The following FHIT variants were observed in gnomAD, a reference collection of about 807,000 sequenced individuals.
The protein encoded by FHIT is bis(5'-adenosyl)-triphosphatase.
In FHIT, 19 loss-of-function variants were observed where a neutral mutation model predicts 17.9. The ratio of observed to expected loss-of-function variants is 1.06; its 90% confidence interval spans 0.74 to 1.56. FHIT has a LOEUF of 1.56. Ranked by LOEUF, FHIT falls within the 40% of genes most tolerant of loss-of-function variation. FHIT has a pLI of 0.00. For synonymous variants in FHIT, 81 were observed against 69.7 expected, an observed-to-expected ratio of 1.16 and a Z score of -0.81; for missense variants, 248 against 189.2, an observed-to-expected ratio of 1.31 and a Z score of -1.82.
At chr3:60,500,708 G>A (rs2034488347) in intron 5 of FHIT, among the ~76,000 whole-genome samples, 2 of 147,318 alleles carry the variant, frequency 1.4e-5, no homozygotes, top group Non-Finnish European at 3.0e-5. Context: ...GGGAGGCAGA[G>A]GTTGCAGTGA....
chr3:60,506,754 G>A (rs1327769707), intron 5 of FHIT, among the ~76,000 whole-genome samples: 2 of 151,912 alleles, frequency 1.3e-5, no homozygotes, highest in African/African-American at 4.9e-5. Context: ...CTGCGTAAAT[G>A]GAATGAGAAG....
rs75007542 is a variant in FHIT, at chr3:60,029,080, T to C, written c.104-14928A>G. Among the ~76,000 whole-genome samples, 1,046 of 152,340 alleles carry C rather than the reference T, an allele frequency of 6.9e-3. 12 individuals are homozygous for C. Among genetic ancestry groups the C allele is most frequent in the African/African-American group, 0.023 (945 of 41,576 alleles). On this transcript the variant is annotated intron_variant, in intron 5 of 9. Transcript: ENST00000492590. ...ATAAAGCACTTCAATTCTTAGTGTT[T>C]CTAATGTTTTAAATTACAGTGTACT...
chr3:60,530,591 T>A (rs1037929427), intron 5 of FHIT, among the ~76,000 whole-genome samples: 1 of 152,154 alleles, frequency 6.6e-6, no homozygotes, highest in African/African-American at 2.4e-5. Flanking sequence ...CTAGTGCCCA[T>A]CACAGTTACT....
At chr3:60,653,622 T>C (rs2040048216) in intron 4 of FHIT, among the ~76,000 whole-genome samples, 1 of 151,352 alleles carries the variant, frequency 6.6e-6, no homozygotes, top group Admixed American at 6.6e-5. Context: ...AATAATTAAC[T>C]GTAAAGTGGT....
chr3:61,208,336 T>A (rs1244722587), intron 1 of FHIT, among the ~76,000 whole-genome samples: 1 of 152,086 alleles, frequency 6.6e-6, no homozygotes, highest in Non-Finnish European at 1.5e-5. Context: ...TAGGTCCGCT[T>A]GGTGCAGAGC....
At chr3:60,417,220 G>C (rs1290887347) in intron 5 of FHIT, among the ~76,000 whole-genome samples, 1 of 152,044 alleles carries the variant, frequency 6.6e-6, no homozygotes, top group Non-Finnish European at 1.5e-5. Context: ...TTAGCAAAAA[G>C]AATAATTTAT....
At chr3:60,006,649 G>C (rs552236947) in intron 7 of FHIT, among the ~76,000 whole-genome samples, 1 of 147,282 alleles carries the variant, frequency 6.8e-6, no homozygotes, top group Non-Finnish European at 1.5e-5. Context: ...TAGGGTTTCC[G>C]CATTCAAAAA....
chr3:61,152,311 A>G (rs1166792113), intron 2 of FHIT, among the ~76,000 whole-genome samples: 1 of 152,204 alleles, frequency 6.6e-6, no homozygotes, highest in Non-Finnish European at 1.5e-5. Flanking sequence ...ACTGGTTGCC[A>G]AAAAGTGGTA....
chr3:60,154,518 G>T (rs6776492), intron 5 of FHIT, among the ~76,000 whole-genome samples: 1 of 152,028 alleles, frequency 6.6e-6, no homozygotes, highest in Non-Finnish European at 1.5e-5. Context: ...AAGATGACAA[G>T]AGGTATATTG....
intron 3 of FHIT, among the ~76,000 whole-genome samples, chr3:60,995,212 C>T (rs1056282692): frequency 6.6e-6 from 1 of 151,972 alleles, no homozygotes; most frequent in Non-Finnish European, 1.5e-5. Context: ...CCCAGCTACT[C>T]GGGAGGCTGA....
At chr3:60,670,702 T>G (rs781788725) in intron 4 of FHIT, among the ~76,000 whole-genome samples, 5 of 152,172 alleles carry the variant, frequency 3.3e-5, no homozygotes, top group Non-Finnish European at 7.3e-5. Flanking sequence ...CCTCTTAAAC[T>G]CCAAAGTTCT....
At chr3:60,352,300 G>T (rs535511935) in intron 5 of FHIT, among the ~76,000 whole-genome samples, 1 of 151,984 alleles carries the variant, frequency 6.6e-6, no homozygotes, top group Non-Finnish European at 1.5e-5. Flanking sequence ...CCTAAAACAG[G>T]TTCCTTTAAA....
Position 61,073,106 on chromosome 3 carries a change from GAAC to G in FHIT, c.-163-31010_-163-31008del, listed in dbSNP as rs555271361. 8.5e-3 allele frequency among the ~76,000 whole-genome samples: 1,292 copies of G among 152,174 alleles called. 12 individuals carry two copies. The highest frequency in any genetic ancestry group is 0.028 in the African/African-American group (1,175 of 41,522). ...GGCCTTCTAAAAAAAACAAAATCTT[GAAC>G]AACAAAGACCTCTTCCAATCCCTCC... On this transcript the variant is annotated intron_variant, in intron 2 of 9. Transcript: ENST00000492590.
chr3:61,039,409 T>A (rs1379226365), intron 3 of FHIT, among the ~76,000 whole-genome samples: 1 of 152,216 alleles, frequency 6.6e-6, no homozygotes, highest in Non-Finnish European at 1.5e-5. Flanking sequence ...ATATTTCTGA[T>A]TGTATTTTGC....
intron 5 of FHIT, among the ~76,000 whole-genome samples, chr3:60,387,908 C>G (rs1049357412): frequency 1.3e-5 from 2 of 152,088 alleles, no homozygotes; most frequent in Non-Finnish European, 2.9e-5. Flanking sequence ...TGGTGCTATT[C>G]TCAAAGGAGT....
At chr3:60,144,284 C>T (rs968991820) in intron 5 of FHIT, among the ~76,000 whole-genome samples, 1 of 152,192 alleles carries the variant, frequency 6.6e-6, no homozygotes, top group Non-Finnish European at 1.5e-5. Context: ...ATAGCTGAAT[C>T]CCATTGATAT....
chr3:59,876,860 T>C lies in FHIT; in HGVS notation c.348+45486A>G, dbSNP rs552109362. The stretch of plus-strand genomic sequence containing the variant: ...CTTCTTGGGAAGCTAATCTTACCCT[T>C]GACCCAACTGGCCTAAGCCACTGAT... On this transcript the variant is annotated intron_variant, in intron 8 of 9. Transcript: ENST00000492590. 8.5e-4 allele frequency among the ~76,000 whole-genome samples: 129 copies of C among 152,308 alleles called. 4 individuals carry two copies. Among genetic ancestry groups the C allele is most frequent in the South Asian group, 6.2e-3 (30 of 4,830 alleles).
At chr3:60,849,818 C>G (rs1575595688) in intron 3 of FHIT, among the ~76,000 whole-genome samples, 2 of 152,058 alleles carry the variant, frequency 1.3e-5, no homozygotes, top group East Asian at 3.9e-4. Flanking sequence ...CTCCAAGGAG[C>G]AATTCCTAAT....
intron 5 of FHIT, among the ~76,000 whole-genome samples, chr3:60,085,352 G>GC (rs1457966653): frequency 6.6e-6 from 1 of 151,940 alleles, no homozygotes; most frequent in Non-Finnish European, 1.5e-5. Context: ...TCCTTTGCTT[G>GC]GGTTTTTTTC....
Sources: allele counts gnomAD v4.1 joint callset (sites outside exome capture counted in the v4.1 genomes callset), GRCh38; gene constraint gnomAD v4.1.1; transcripts MANE v1.5; gene names NCBI Gene and HGNC (gene_info 2026-07-23, HGNC 2026-07-21).